Variants in TNFRSF19 observed in about 807,000 individuals in gnomAD.
TNFRSF19 encodes the protein tumor necrosis factor receptor superfamily member 19.
A neutral mutation model predicts 46.4 loss-of-function variants in TNFRSF19; 27 were observed. The observed-to-expected ratio is 0.58, with a 90% CI of 0.43 to 0.80. The LOEUF is 0.80. Ranked by LOEUF, TNFRSF19 falls within the 30% of genes least tolerant of loss-of-function variation. The pLI, the probability that TNFRSF19 is intolerant of heterozygous loss-of-function variation, is 0.00. For synonymous variants in TNFRSF19, 204 were observed against 205.0 expected (o/e 1.00, Z 0.04); for missense variants, 511 against 530.8 (o/e 0.96, Z 0.37).
chr13:23,580,027 A>C (rs1203888496), intron 1 of TNFRSF19, among the ~76,000 whole-genome samples: 1 of 152,162 alleles, frequency 6.6e-6, no homozygotes, highest in Non-Finnish European at 1.5e-5. Context: ...CTTCTGTGGG[A>C]AAGAGTTCCT....
At chr13:23,622,513 T>TA (rs897113870) in intron 4 of TNFRSF19, among the ~76,000 whole-genome samples, 1 of 152,130 alleles carries the variant, frequency 6.6e-6, no homozygotes, top group Admixed American at 6.5e-5. Context: ...CTCAAACTTT[T>TA]AAAAAAAATT....
At chr13:23,613,324 C>G (rs1268711976) in intron 3 of TNFRSF19, among the ~76,000 whole-genome samples, 1 of 152,228 alleles carries the variant, frequency 6.6e-6, no homozygotes, top group East Asian at 1.9e-4. Context: ...ATCCCCATCT[C>G]ACAGATGAAG....
At chr13:23,575,323 G>A (rs1877883465) in intron 1 of TNFRSF19, among the ~76,000 whole-genome samples, 1 of 152,222 alleles carries the variant, frequency 6.6e-6, no homozygotes, top group Non-Finnish European at 1.5e-5. Flanking sequence ...ACTTACAGGA[G>A]GGGGCTATAA....
At chr13:23,662,056 A>G (rs1884400569) in intron 7 of TNFRSF19, among the ~76,000 whole-genome samples, 1 of 152,062 alleles carries the variant, frequency 6.6e-6, no homozygotes, top group African/African-American at 2.4e-5. Flanking sequence ...CTCATTTGTC[A>G]ATTTTTGCTT....
intron 5 of TNFRSF19, among the ~76,000 whole-genome samples, chr13:23,652,449 T>C (rs2138369370): frequency 6.6e-6 from 1 of 152,322 alleles, no homozygotes; most frequent in East Asian, 1.9e-4. Flanking sequence ...AGATTACATT[T>C]GGCATATAAT....
In TNFRSF19 at chr13:23,572,412, T is replaced by C. The variant is rs1357054279; in HGVS notation, c.-35+1564T>C. On this transcript the variant is annotated intron_variant, in intron 1 of 9. Transcript: ENST00000248484. ...AATGTTCACATTCAGATAAAGAAAATTAGCCTTTTAAAACAATGACTGGAG... is the reference window on the plus strand; with the variant it reads ...AATGTTCACATTCAGATAAAGAAAACTAGCCTTTTAAAACAATGACTGGAG... Among the ~76,000 whole-genome samples, 4 of 152,130 alleles carry C rather than the reference T, an allele frequency of 2.6e-5. No homozygotes were observed. In the East Asian group the frequency reaches 7.7e-4, roughly 29 times the overall value.
intron 5 of TNFRSF19, among the ~76,000 whole-genome samples, chr13:23,631,846 A>G (rs962367779): frequency 1.3e-5 from 2 of 152,192 alleles, no homozygotes; most frequent in African/African-American, 4.8e-5. Flanking sequence ...CAACCAAACC[A>G]TGGAGTTAAG....
At chr13:23,640,929 G>A (rs773415083) in intron 5 of TNFRSF19, among the ~76,000 whole-genome samples, 2 of 152,146 alleles carry the variant, frequency 1.3e-5, no homozygotes, top group Admixed American at 6.5e-5. Context: ...AATATGTGAT[G>A]TTATTGTTTC....
In TNFRSF19 at chr13:23,659,023, A is replaced by C. The variant is rs1366601608; in HGVS notation, c.446-27A>C. The C allele has an allele frequency of 1.2e-6, 2 of 1,612,298 alleles. No homozygotes were observed. Among genetic ancestry groups the C allele is most frequent in the Admixed American group, 1.7e-5 (1 of 60,030 alleles). ...CACTGCATCTGCAGTTGTTCAGAGC[A>C]TGCTGACCCCATTCCTGTGGTTTCA... On this transcript the variant is annotated intron_variant, in intron 5 of 9. Transcript: ENST00000248484. The surrounding 1 kb of genome is among the most constrained non-coding windows in gnomAD (Gnocchi z 4.9).
intron 5 of TNFRSF19, among the ~76,000 whole-genome samples, chr13:23,634,130 C>A (rs1418570479): frequency 6.6e-6 from 1 of 152,188 alleles, no homozygotes; most frequent in Non-Finnish European, 1.5e-5. Flanking sequence ...AAATTGAAAT[C>A]TTTCAAATTT....
chr13:23,628,376 A>G (rs973429898), intron 5 of TNFRSF19, among the ~76,000 whole-genome samples: 4 of 152,168 alleles, frequency 2.6e-5, no homozygotes, highest in Non-Finnish European at 5.9e-5. Context: ...GACACAACCC[A>G]TCAAAGGACA....
At chr13:23,645,980 G>A (rs1883306019) in intron 5 of TNFRSF19, among the ~76,000 whole-genome samples, 1 of 152,168 alleles carries the variant, frequency 6.6e-6, no homozygotes, top group Non-Finnish European at 1.5e-5. Flanking sequence ...AAACCTAGGT[G>A]TGTTCTTGAT....
chr13:23,646,141 C>T (rs892624131), intron 5 of TNFRSF19, among the ~76,000 whole-genome samples: 2 of 152,152 alleles, frequency 1.3e-5, no homozygotes, highest in Non-Finnish European at 1.5e-5. Context: ...GTGCGGCACC[C>T]CCCGGCCTGC....
chr13:23,616,155 A>T (rs760990220), intron 4 of TNFRSF19, 110 bp downstream of exon 4: 1 of 1,142,112 alleles, frequency 8.8e-7, no homozygotes, highest in Non-Finnish European at 1.2e-6. Flanking sequence ...TAACCTGAAG[A>T]TGCTGGTGGA....
chr13:23,633,004 C>G lies in TNFRSF19; in HGVS notation c.445+6212C>G, dbSNP rs140466208. The stretch of plus-strand genomic sequence containing the variant: ...GACCTTTTCATCCTAATGACTGACC[C>G]CTGAGGTTTTCTCTCTAATACCCCT... On this transcript the variant is annotated intron_variant, in intron 5 of 9. Coordinates refer to ENST00000248484, the MANE Select transcript of TNFRSF19 (RefSeq NM_148957.4). Among the ~76,000 whole-genome samples the G allele has an allele frequency of 2.0e-3, 306 of 152,242 alleles. 1 individual carries two copies. Among genetic ancestry groups the G allele is most frequent in the Non-Finnish European group, 2.0e-3 (133 of 68,006 alleles).
chr13:23,598,988 G>A (rs1879931329), intron 3 of TNFRSF19, among the ~76,000 whole-genome samples: 1 of 152,198 alleles, frequency 6.6e-6, no homozygotes, highest in African/African-American at 2.4e-5. Flanking sequence ...TAAACAGCAG[G>A]AAACAAAGAA....
chr13:23,669,850 G>A, intron 9 of TNFRSF19: 1 of 387,710 alleles, frequency 2.6e-6, no homozygotes, highest in Non-Finnish European at 3.5e-6. Flanking sequence ...TCCTTAAATG[G>A]GAGTGCATGT....
At chr13:23,609,278 A>C (rs1880730260) in intron 3 of TNFRSF19, among the ~76,000 whole-genome samples, 1 of 152,154 alleles carries the variant, frequency 6.6e-6, no homozygotes, top group Non-Finnish European at 1.5e-5. Context: ...AAAATACAAA[A>C]GCTTGTTCTG....
chr13:23,581,210 C>T (rs1878403017), intron 1 of TNFRSF19, among the ~76,000 whole-genome samples: 1 of 151,482 alleles, frequency 6.6e-6, no homozygotes, highest in Non-Finnish European at 1.5e-5. Flanking sequence ...TGCAAGCTCC[C>T]GCTCTGCGCA....
Sources: gnomAD v4.1 joint callset for allele counts (sites outside exome capture counted in the v4.1 genomes callset) on GRCh38, gnomAD v4.1.1 for gene constraint, Gnocchi (gnomAD v3.1) non-coding constraint, MANE v1.5 for transcripts, NCBI Gene and HGNC (gene_info 2026-07-23, HGNC 2026-07-21) for gene names.